Variants in KLHL29 observed in about 807,000 individuals in gnomAD.
KLHL29 encodes the protein kelch-like protein 29.
In KLHL29, 21 loss-of-function variants were observed where a neutral mutation model predicts 80.4. The observed-to-expected ratio is 0.26, with a 90% CI of 0.19 to 0.38. The LOEUF (loss-of-function observed/expected upper bound fraction) is 0.38. Ranked by LOEUF, KLHL29 falls within the 10% of genes least tolerant of loss-of-function variation. KLHL29 has a pLI of 1.00. For missense variants in KLHL29, 867 were observed against 1,223.9 expected (o/e 0.71, Z 4.35); for synonymous variants, 511 against 526.8 (o/e 0.97, Z 0.41).
At chr2:23,420,487 C>T (rs1662769010) in intron 1 of KLHL29, among the ~76,000 whole-genome samples, 1 of 152,200 alleles carries the variant, frequency 6.6e-6, no homozygotes, top group South Asian at 2.1e-4. Context: ...GTCCTCCATG[C>T]GTCTTCATCT....
intron 1 of KLHL29, among the ~76,000 whole-genome samples, chr2:23,445,473 T>G (rs1663647442): frequency 1.3e-5 from 2 of 152,206 alleles, no homozygotes; most frequent in African/African-American, 2.4e-5. Flanking sequence ...TGCATGTACT[T>G]CTCCACTGTG....
chr2:23,516,284 G>A (rs1665920245), intron 2 of KLHL29, among the ~76,000 whole-genome samples: 1 of 152,188 alleles, frequency 6.6e-6, no homozygotes, highest in South Asian at 2.1e-4. Context: ...CTGACCAGGA[G>A]CAACTATTCG....
At position 23,457,678 on chromosome 2, in the gene KLHL29, G is replaced by A. The variant is rs1572333131; in HGVS notation, c.-153-17882G>A. ...ACAAGGTCCCTGCAGTCAGATGAAA[G>A]GTCCCCTCCTTGCCTGGCAAGACCT... On this transcript the variant is annotated intron_variant, in intron 1 of 13. Coordinates refer to ENST00000486442, the MANE Select transcript of KLHL29 (RefSeq NM_052920.2). This position sits in a 1 kb window ranked among gnomAD's most constrained non-coding sequence, Gnocchi z 4.3. 6.6e-6 allele frequency among the ~76,000 whole-genome samples: 1 copy of A among 152,180 alleles called. No homozygotes were observed. The highest frequency in any genetic ancestry group is 2.4e-5 in the African/African-American group (1 of 41,438).
At position 23,696,304 on chromosome 2, in the gene KLHL29, GCTCT is replaced by G. The variant is rs1671954243; in HGVS notation, c.1925-24_1925-21del. 2.2e-5 allele frequency: 34 copies of G among 1,548,620 alleles called. No homozygotes were observed. The highest frequency in any genetic ancestry group is 2.7e-5 in the Non-Finnish European group (31 of 1,144,904). ...CCCCAGGCCCCTCCTCACCCCGCCC[GCTCT>G]CTCTGCCTCCCACACTGCCTCCAGG... On this transcript the variant is annotated intron_variant, in intron 10 of 13. Coordinates refer to ENST00000486442, the MANE Select transcript of KLHL29 (RefSeq NM_052920.2). The surrounding 1 kb of genome is among the most constrained non-coding windows in gnomAD (Gnocchi z 5.5).
chr2:23,510,795 C>T (rs1428973851), intron 2 of KLHL29, among the ~76,000 whole-genome samples: 2 of 152,180 alleles, frequency 1.3e-5, no homozygotes, highest in Non-Finnish European at 2.9e-5. Flanking sequence ...GAGAGAGATG[C>T]CTTCTCAAGC....
intron 1 of KLHL29, among the ~76,000 whole-genome samples, chr2:23,436,238 T>TG (rs1663336803): frequency 6.6e-6 from 1 of 151,560 alleles, no homozygotes; most frequent in African/African-American, 2.4e-5. Flanking sequence ...TGATACTCAG[T>TG]AAACATCCAT....
intron 5 of KLHL29, among the ~76,000 whole-genome samples, chr2:23,678,243 C>T (rs576961031): frequency 4.7e-4 from 71 of 152,332 alleles, no homozygotes; most frequent in African/African-American, 1.5e-3. Flanking sequence ...CTCTTCCAGT[C>T]CCCATTCCCT....
In KLHL29 at chr2:23,643,121, C is replaced by T. The variant is rs147072794; in HGVS notation, c.940+271C>T. On this transcript the variant is annotated intron_variant, in intron 5 of 13. Coordinates refer to ENST00000486442, the MANE Select transcript of KLHL29 (RefSeq NM_052920.2). ...GGGAGAGCCTGCAAAGCCCAGAGCC[C>T]GTCCCCCTCCAGCCCAAGCCCTGGC... 2.3e-3 allele frequency: 1,374 copies of T among 601,332 alleles called. 16 individuals are homozygous for T. Among genetic ancestry groups the T allele is most frequent in the African/African-American group, 0.021 (1,168 of 55,084 alleles). 37.2% of individuals were successfully genotyped at this position (601,332 alleles called of 1,614,324 possible).
intron 5 of KLHL29, among the ~76,000 whole-genome samples, chr2:23,677,536 A>G (rs961030808): frequency 6.6e-6 from 1 of 152,206 alleles, no homozygotes; most frequent in African/African-American, 2.4e-5. Flanking sequence ...TGCCGCCCGC[A>G]GGTGGTTTCA....
chr2:23,629,161 GGCCCGGCCCC>G (rs1669406147), intron 3 of KLHL29, among the ~76,000 whole-genome samples: 1 of 152,164 alleles, frequency 6.6e-6, no homozygotes, highest in Admixed American at 6.5e-5. Context: ...GGGGATGAAA[GGCCCGGCCCC>G]GCTCTGTGAG....
intron 2 of KLHL29, among the ~76,000 whole-genome samples, chr2:23,505,559 G>T (rs1312260324): frequency 6.6e-6 from 1 of 152,202 alleles, no homozygotes; most frequent in African/African-American, 2.4e-5. Flanking sequence ...GTGGCCACAG[G>T]CATGGCTGCC....
intron 3 of KLHL29, among the ~76,000 whole-genome samples, chr2:23,613,502 G>A (rs151060448): frequency 0.02 from 3,036 of 152,120 alleles, 43 homozygotes; most frequent in Non-Finnish European, 0.033. Flanking sequence ...ACGGTGGCTC[G>A]TGCCTGTGAT....
intron 2 of KLHL29, among the ~76,000 whole-genome samples, chr2:23,509,257 A>C (rs1293477884): frequency 6.6e-6 from 1 of 152,080 alleles, no homozygotes; most frequent in Admixed American, 6.5e-5. Flanking sequence ...AAGGACTCTC[A>C]TCTCTTATGA....
At chr2:23,673,201 C>A (rs1293298007) in intron 5 of KLHL29, among the ~76,000 whole-genome samples, 17 of 151,456 alleles carry the variant, frequency 1.1e-4, no homozygotes, top group African/African-American at 4.2e-4. Flanking sequence ...TGCTGTCTCA[C>A]ACACACATCT....
intron 11 of KLHL29, among the ~76,000 whole-genome samples, chr2:23,701,769 C>A (rs1233655971): frequency 6.7e-6 from 1 of 149,882 alleles, no homozygotes; most frequent in Non-Finnish European, 1.5e-5. Context: ...ACTCCTTTAG[C>A]TTCGCACACA....
chr2:23,448,876 G>T (rs1436890149), intron 1 of KLHL29, among the ~76,000 whole-genome samples: 1 of 152,086 alleles, frequency 6.6e-6, no homozygotes, highest in African/African-American at 2.4e-5. Flanking sequence ...ATGCAAACAC[G>T]TCTGCTTGGT....
At chr2:23,389,262 G>A (rs946392335) in intron 1 of KLHL29, among the ~76,000 whole-genome samples, 4 of 152,092 alleles carry the variant, frequency 2.6e-5, no homozygotes, top group African/African-American at 9.7e-5. Flanking sequence ...TGCGAGTGAT[G>A]ATTTTGCTCA....
intron 5 of KLHL29, among the ~76,000 whole-genome samples, chr2:23,677,691 T>C (rs1043042737): frequency 6.6e-6 from 1 of 152,216 alleles, no homozygotes; most frequent in African/African-American, 2.4e-5. Context: ...GGGAGGCGCG[T>C]GGAGCAGCAG....
chr2:23,692,377 G>A (rs1671668318), intron 7 of KLHL29, among the ~76,000 whole-genome samples: 1 of 152,252 alleles, frequency 6.6e-6, no homozygotes, highest in Non-Finnish European at 1.5e-5. Flanking sequence ...GAGCTCCCGG[G>A]GGGGTCGCTG....
Sources: allele counts gnomAD v4.1 joint callset (sites outside exome capture counted in the v4.1 genomes callset), GRCh38; gene constraint gnomAD v4.1.1; non-coding constraint Gnocchi (gnomAD v3.1); transcripts MANE v1.5; gene names NCBI Gene and HGNC (gene_info 2026-07-23, HGNC 2026-07-21).